FAM184A: variants seen among roughly 807,000 people sequenced by gnomAD.
FAM184A encodes protein FAM184A.
In FAM184A, 99 loss-of-function variants were observed where a neutral mutation model predicts 143.8. That is an observed-to-expected ratio of 0.69 (90% CI 0.58 to 0.81). The LOEUF (loss-of-function observed/expected upper bound fraction) is 0.81. Ranked by LOEUF, FAM184A falls within the 40% of genes least tolerant of loss-of-function variation. The pLI is 0.00. For missense variants in FAM184A, 1,217 were observed against 1,310.5 expected, an observed-to-expected ratio of 0.93 and a Z score of 1.10; for synonymous variants, 427 against 446.4, an observed-to-expected ratio of 0.96 and a Z score of 0.55.
At chr6:118,984,249 A>T (rs1325397731) in intron 9 of FAM184A, among the ~76,000 whole-genome samples, 1 of 146,088 alleles carries the variant, frequency 6.8e-6, no homozygotes, top group African/African-American at 2.5e-5. Flanking sequence ...ATATATATTT[A>T]TATATATGGC....
intron 1 of FAM184A, among the ~76,000 whole-genome samples, chr6:119,113,611 A>C (rs561431869): frequency 1.1e-3 from 171 of 150,198 alleles, no homozygotes; most frequent in African/African-American, 4.1e-3. Flanking sequence ...ACAGTACAAT[A>C]AGATATTGAG....
intron 1 of FAM184A, among the ~76,000 whole-genome samples, chr6:119,102,842 A>G (rs923354395): frequency 6.6e-6 from 1 of 151,988 alleles, no homozygotes; most frequent in Non-Finnish European, 1.5e-5. Context: ...TCACTAAAAA[A>G]GGGCAGAGAA....
intron 16 of FAM184A, chr6:118,963,734 C>T (rs936153435): frequency 6.6e-6 from 1 of 151,658 alleles, no homozygotes; most frequent in African/African-American, 2.4e-5. Flanking sequence ...TGATTTCTGC[C>T]ATAAGATTCA....
At chr6:119,040,193 A>G (rs1786269765) in intron 1 of FAM184A, among the ~76,000 whole-genome samples, 1 of 151,996 alleles carries the variant, frequency 6.6e-6, no homozygotes, top group African/African-American at 2.4e-5. Flanking sequence ...TATGCCCCTC[A>G]GTTGAATTCT....
intron 5 of FAM184A, among the ~76,000 whole-genome samples, chr6:119,011,703 G>A (rs1785096529): frequency 6.6e-6 from 1 of 152,066 alleles, no homozygotes; most frequent in Non-Finnish European, 1.5e-5. Context: ...AGAAAAGTGT[G>A]AGATAAAAAA....
chr6:119,002,832 A>T, intron 9 of FAM184A, 67 bp downstream of exon 9: 2 of 1,377,600 alleles, frequency 1.5e-6, no homozygotes, highest in Non-Finnish European at 1.9e-6. Context: ...ACAGAGTTTT[A>T]CAATATTTGC....
At chr6:119,010,380 G>A (rs942068265) in intron 6 of FAM184A, among the ~76,000 whole-genome samples, 2 of 151,960 alleles carry the variant, frequency 1.3e-5, no homozygotes, top group Non-Finnish European at 2.9e-5. Flanking sequence ...TTTCTTTATC[G>A]TTATTAACAC....
intron 1 of FAM184A, among the ~76,000 whole-genome samples, chr6:119,098,629 C>A (rs938903733): frequency 6.6e-6 from 1 of 152,158 alleles, no homozygotes; most frequent in African/African-American, 2.4e-5. Context: ...GGAAGGGAAG[C>A]TTTCTTTAAA....
At chr6:119,139,609 A>G (rs949817119) in intron 1 of FAM184A, among the ~76,000 whole-genome samples, 2 of 151,832 alleles carry the variant, frequency 1.3e-5, no homozygotes, top group Admixed American at 6.6e-5. Flanking sequence ...GCAATTTCTT[A>G]AAGTATTATA....
At chr6:118,993,545 T>G (rs1237611190) in intron 9 of FAM184A, among the ~76,000 whole-genome samples, 1 of 152,232 alleles carries the variant, frequency 6.6e-6, no homozygotes, top group Non-Finnish European at 1.5e-5. Flanking sequence ...CTTATTCACA[T>G]TCTGCATCCA....
chr6:119,077,938 C>A (rs1787930930), intron 1 of FAM184A, among the ~76,000 whole-genome samples: 1 of 152,280 alleles, frequency 6.6e-6, no homozygotes, highest in African/African-American at 2.4e-5. Context: ...GCGCACCGTG[C>A]CGCTGTGCTG....
At chr6:119,103,399 A>AT (rs572068570) in intron 1 of FAM184A, among the ~76,000 whole-genome samples, 8 of 152,286 alleles carry the variant, frequency 5.3e-5, no homozygotes, top group Admixed American at 1.3e-4. Context: ...TGGCTGAGTG[A>AT]TTTTTTTGTA....
chr6:119,107,328 A>T (rs1788812266), intron 1 of FAM184A, among the ~76,000 whole-genome samples: 1 of 152,304 alleles, frequency 6.6e-6, no homozygotes, highest in African/African-American at 2.4e-5. Context: ...TCTAAATATG[A>T]TGGATTTACT....
intron 5 of FAM184A, among the ~76,000 whole-genome samples, chr6:119,016,533 C>A (rs1785261221): frequency 1.3e-5 from 2 of 151,730 alleles, no homozygotes; most frequent in Non-Finnish European, 1.5e-5. Context: ...GCCAGTGAGA[C>A]CACCAACCCA....
At chr6:119,034,203 T>C (rs539251115) in intron 1 of FAM184A, among the ~76,000 whole-genome samples, 28 of 151,168 alleles carry the variant, frequency 1.9e-4, no homozygotes, top group African/African-American at 6.1e-4. Context: ...CCAAAACTCA[T>C]AGAGTATCGC....
chr6:119,066,280 C>T (rs1787449287), intron 1 of FAM184A, among the ~76,000 whole-genome samples: 1 of 152,164 alleles, frequency 6.6e-6, no homozygotes, highest in Non-Finnish European at 1.5e-5. Flanking sequence ...AATCTGAAGG[C>T]TCTTGGGGAG....
intron 7 of FAM184A, among the ~76,000 whole-genome samples, chr6:119,004,888 GA>G (rs1375497271): frequency 6.6e-6 from 1 of 152,196 alleles, no homozygotes; most frequent in East Asian, 1.9e-4. Context: ...ACAGCCGGGG[GA>G]AAGGCAGCCA....
At chr6:119,087,575 AC>A (rs1788253947) in intron 1 of FAM184A, among the ~76,000 whole-genome samples, 2 of 152,334 alleles carry the variant, frequency 1.3e-5, no homozygotes, top group South Asian at 4.1e-4. Flanking sequence ...TATCAAAAAA[AC>A]AAAACAAACC....
chr6:119,078,073 C>G lies in FAM184A; in HGVS notation c.159+68G>C. 1 of 1,515,298 alleles carries G rather than the reference C, an allele frequency of 6.6e-7. No individual in the cohort carries two copies. The highest frequency in any genetic ancestry group is 8.8e-7 in the Non-Finnish European group (1 of 1,133,798). The allele number at this position is 1,515,298 out of a possible 1,614,324, so 93.9% of individuals were successfully genotyped here. On this transcript the variant is annotated intron_variant, in intron 1 of 17. Coordinates refer to ENST00000338891, the MANE Select transcript of FAM184A (RefSeq NM_024581.6). The surrounding 1 kb of genome is among the most constrained non-coding windows in gnomAD (Gnocchi z 5.5). ...TGCGGGCGCAGGGCGCACTGCCTCC[C>G]GGGGAGACAGGTGAGTCCGGCGCGG...
Sources: gnomAD v4.1 joint callset for allele counts (sites outside exome capture counted in the v4.1 genomes callset) on GRCh38, gnomAD v4.1.1 for gene constraint, Gnocchi (gnomAD v3.1) non-coding constraint, MANE v1.5 for transcripts, NCBI Gene and HGNC (gene_info 2026-07-23, HGNC 2026-07-21) for gene names.